Variants in DENND1A observed in about 807,000 individuals in gnomAD.
The protein encoded by DENND1A is DENN domain-containing protein 1A.
DENND1A carries 51 observed loss-of-function variants against 113.7 expected under a neutral mutation model. The ratio of observed to expected loss-of-function variants is 0.45; its 90% CI spans 0.36 to 0.57. The LOEUF is 0.57. Among genes scored for constraint, DENND1A ranks in the 20% least tolerant of loss-of-function variants. The pLI is 0.00. For synonymous variants in DENND1A, 565 were observed against 570.8 expected, an observed-to-expected ratio of 0.99 and a Z score of 0.14; for missense variants, 1,258 against 1,395.9, an observed-to-expected ratio of 0.90 and a Z score of 1.57.
chr9:123,696,799 G>A (rs2065548975), intron 5 of DENND1A, among the ~76,000 whole-genome samples: 1 of 152,160 alleles, frequency 6.6e-6, no homozygotes, highest in South Asian at 2.1e-4. Flanking sequence ...CGAAGGGGCA[G>A]GGATAGAGCG....
intron 11 of DENND1A, among the ~76,000 whole-genome samples, chr9:123,588,879 T>C (rs1329809743): frequency 6.6e-6 from 1 of 151,950 alleles, no homozygotes; most frequent in Non-Finnish European, 1.5e-5. Flanking sequence ...GCTGTTCTTA[T>C]GCCTCCGCCT....
At chr9:123,920,323 C>G (rs1038328542) in intron 1 of DENND1A, among the ~76,000 whole-genome samples, 1 of 151,980 alleles carries the variant, frequency 6.6e-6, no homozygotes, top group East Asian at 1.9e-4. Flanking sequence ...CCCAGCTACT[C>G]AGGAGGCTGA....
At chr9:123,843,395 T>C (rs1590329488) in intron 2 of DENND1A, 1 of 331,254 alleles carries the variant, frequency 3.0e-6, no homozygotes, top group African/African-American at 2.2e-5. Flanking sequence ...TGTCTACTTT[T>C]ACCACTGTAC....
chr9:123,628,955 T>C (rs966151368), intron 10 of DENND1A, among the ~76,000 whole-genome samples: 1 of 152,202 alleles, frequency 6.6e-6, no homozygotes, highest in African/African-American at 2.4e-5. Context: ...CTTACTGCTA[T>C]GCATGAGAGA....
chr9:123,400,550 T>C (rs1015351967), intron 21 of DENND1A: 3 of 152,198 alleles, frequency 2.0e-5, no homozygotes, highest in Non-Finnish European at 4.4e-5. Flanking sequence ...ACAGTCTTAC[T>C]CTTAATCAGC....
intron 8 of DENND1A, among the ~76,000 whole-genome samples, chr9:123,662,959 G>GA (rs946441441): frequency 1.3e-5 from 2 of 151,404 alleles, no homozygotes; most frequent in Admixed American, 6.6e-5. Flanking sequence ...ATCTGTAACA[G>GA]AAAAAAAATA....
At chr9:123,649,802 G>T (rs1214089705) in intron 9 of DENND1A, among the ~76,000 whole-genome samples, 1 of 152,094 alleles carries the variant, frequency 6.6e-6, no homozygotes, top group Admixed American at 6.5e-5. Context: ...GTTTTGGGAG[G>T]AAGCAGAAAT....
chr9:123,870,431 G>A (rs1180398389), intron 2 of DENND1A, among the ~76,000 whole-genome samples: 6 of 150,660 alleles, frequency 4.0e-5, no homozygotes, highest in East Asian at 3.9e-4. Flanking sequence ...CACCATGCCC[G>A]GCTAATTTTT....
intron 1 of DENND1A, among the ~76,000 whole-genome samples, chr9:123,905,005 T>C (rs1852493658): frequency 6.6e-6 from 1 of 152,072 alleles, no homozygotes; most frequent in South Asian, 2.1e-4. Flanking sequence ...TAACAGCAGA[T>C]CTCTCAGCAG....
At chr9:123,816,647 G>A (rs1306431235) in intron 2 of DENND1A, among the ~76,000 whole-genome samples, 2 of 152,078 alleles carry the variant, frequency 1.3e-5, no homozygotes, top group Non-Finnish European at 2.9e-5. Context: ...ATAATTACCT[G>A]GTCCTCTCAC....
Position 123,717,119 on chromosome 9 carries a change from A to G in DENND1A, c.303-40330T>C, listed in dbSNP as rs186649023. On this transcript the variant is annotated intron_variant, in intron 5 of 23. Transcript: ENST00000394215. ...ATTACATATAAAATTTATTTGAGAG[A>G]CCCGGTGGCCAGGCAACCCAGATAC... is the stretch of plus-strand genomic sequence containing the variant. Among the ~76,000 whole-genome samples the G allele has an allele frequency of 3.3e-5, 5 of 152,194 alleles. No individual in the cohort carries two copies. In the East Asian group the frequency reaches 7.7e-4, roughly 23 times the overall value.
At chr9:123,520,864 T>G (rs2054336030) in intron 13 of DENND1A, among the ~76,000 whole-genome samples, 1 of 152,234 alleles carries the variant, frequency 6.6e-6, no homozygotes, top group African/African-American at 2.4e-5. Flanking sequence ...AATGAATTCA[T>G]CAGGGTTTAA....
intron 2 of DENND1A, among the ~76,000 whole-genome samples, chr9:123,851,986 G>C (rs1038994747): frequency 3.3e-5 from 5 of 152,180 alleles, no homozygotes; most frequent in African/African-American, 1.2e-4. Flanking sequence ...GCAGGACTGA[G>C]TCTCCATCAG....
rs185373191 is a variant in DENND1A at position 123,842,527 on chromosome 9, T to C, written c.88+36424A>G. 4.8e-4 allele frequency among the ~76,000 whole-genome samples: 73 copies of C among 151,492 alleles called. 1 individual carries two copies. The highest frequency in any genetic ancestry group is 1.7e-3 in the African/African-American group (71 of 41,390). ...CAAATGTGTGCCAATGAATTAGATA[T>C]ATGAAATGGACAAATCTCTAGAAAA... On this transcript the variant is annotated intron_variant, in intron 2 of 23. Transcript: ENST00000394215.
chr9:123,761,856 A>G (rs17217105), intron 4 of DENND1A, among the ~76,000 whole-genome samples: 6,672 of 152,264 alleles, frequency 0.044, 184 homozygotes, highest in Non-Finnish European at 0.064. Flanking sequence ...CTATTTCTCC[A>G]TAAAAATGAC....
chr9:123,526,038 G>A (rs2054813494), intron 13 of DENND1A, among the ~76,000 whole-genome samples: 1 of 152,046 alleles, frequency 6.6e-6, no homozygotes, highest in South Asian at 2.1e-4. Flanking sequence ...TTACAGGTGT[G>A]AGCTGCTGCA....
intron 13 of DENND1A, among the ~76,000 whole-genome samples, chr9:123,551,308 G>C (rs2135879867): frequency 6.6e-6 from 1 of 152,302 alleles, no homozygotes; most frequent in African/African-American, 2.4e-5. Context: ...GAGCCCCTCT[G>C]CCTCAAATGC....
intron 2 of DENND1A, among the ~76,000 whole-genome samples, chr9:123,796,430 T>C (rs1341813274): frequency 2.6e-5 from 4 of 152,136 alleles, no homozygotes; most frequent in African/African-American, 9.7e-5. Flanking sequence ...TGTCTAACAT[T>C]TTTTCTTTTA....
intron 5 of DENND1A, among the ~76,000 whole-genome samples, chr9:123,717,322 G>A (rs1056589496): frequency 2.0e-5 from 3 of 152,130 alleles, no homozygotes; most frequent in African/African-American, 7.2e-5. Flanking sequence ...TATACCATGG[G>A]CCATGCCTTA....
Sources: allele counts gnomAD v4.1 joint callset (sites outside exome capture counted in the v4.1 genomes callset), GRCh38; gene constraint gnomAD v4.1.1; transcripts MANE v1.5; gene names NCBI Gene and HGNC (gene_info 2026-07-23, HGNC 2026-07-21).